PCDH15: variants seen among roughly 807,000 people sequenced by gnomAD.
PCDH15 encodes the protein protocadherin-15.
PCDH15 carries 129 observed loss-of-function variants against 178.5 expected under a neutral mutation model. That is an observed-to-expected ratio of 0.72 (90% CI 0.63 to 0.84). The LOEUF (loss-of-function observed/expected upper bound fraction) is 0.84, where lower values mean the gene tolerates loss of function less well. Among genes scored for constraint, PCDH15 ranks in the 40% least tolerant of loss-of-function variants. The probability of loss-of-function intolerance (pLI) is 0.00; values close to 1 mark genes in which losing one functional copy is unlikely to be tolerated. For synonymous variants in PCDH15, 800 were observed against 732.0 expected (o/e 1.09, Z -1.50); for missense variants, 2,230 against 2,099.9 (o/e 1.06, Z -1.21).
chr10:54,342,943 T>C (rs1942528182), intron 6 of PCDH15, among the ~76,000 whole-genome samples: 1 of 152,236 alleles, frequency 6.6e-6, no homozygotes, highest in Non-Finnish European at 1.5e-5. Context: ...ATATACCTAA[T>C]GTCTGTACCC....
At chr10:54,418,682 T>C (rs370102188) in intron 3 of PCDH15, among the ~76,000 whole-genome samples, 1 of 152,062 alleles carries the variant, frequency 6.6e-6, no homozygotes. Context: ...CTAATACATA[T>C]ATTATTTGAT....
intron 17 of PCDH15, among the ~76,000 whole-genome samples, chr10:54,068,758 T>C (rs942032111): frequency 6.6e-6 from 1 of 152,168 alleles, no homozygotes; most frequent in East Asian, 1.9e-4. Flanking sequence ...TTAATTTCTG[T>C]TTTTTGTTAT....
intron 1 of PCDH15, among the ~76,000 whole-genome samples, chr10:55,278,346 A>G (rs1842647080): frequency 1.3e-5 from 2 of 151,948 alleles, no homozygotes; most frequent in Admixed American, 1.3e-4. Flanking sequence ...TTTTATTGTA[A>G]ATAATTATTC....
intron 3 of PCDH15, among the ~76,000 whole-genome samples, chr10:54,523,984 C>T (rs963796663): frequency 6.6e-6 from 1 of 152,138 alleles, no homozygotes; most frequent in Non-Finnish European, 1.5e-5. Context: ...AGAAATACTG[C>T]TTAGGAAAGT....
chr10:54,952,613 C>T (rs921375407), intron 2 of PCDH15, among the ~76,000 whole-genome samples: 2 of 151,648 alleles, frequency 1.3e-5, no homozygotes, highest in African/African-American at 4.8e-5. Context: ...AATATTGAGT[C>T]TTTCATCAAT....
At chr10:54,356,444 T>A (rs899032093) in intron 5 of PCDH15, among the ~76,000 whole-genome samples, 2 of 151,920 alleles carry the variant, frequency 1.3e-5, no homozygotes, top group African/African-American at 4.8e-5. Context: ...AGTTTCATAT[T>A]TTCAACTTAA....
intron 6 of PCDH15, among the ~76,000 whole-genome samples, chr10:54,336,405 T>G (rs1001577988): frequency 6.6e-6 from 1 of 152,080 alleles, no homozygotes; most frequent in African/African-American, 2.4e-5. Context: ...CCAGGAGCCC[T>G]AGGAGAAAAA....
chr10:54,505,041 A>G (rs1400613815), intron 3 of PCDH15, among the ~76,000 whole-genome samples: 1 of 152,162 alleles, frequency 6.6e-6, no homozygotes, highest in Admixed American at 6.6e-5. Flanking sequence ...TTCCTTTGCA[A>G]TAAAAAGAAT....
intron 2 of PCDH15, among the ~76,000 whole-genome samples, chr10:55,475,447 T>C (rs148732039): frequency 6.6e-6 from 1 of 152,278 alleles, no homozygotes; most frequent in Non-Finnish European, 1.5e-5. Flanking sequence ...AAAACATTTT[T>C]AGATGTACCT....
intron 2 of PCDH15, among the ~76,000 whole-genome samples, chr10:55,116,909 T>C (rs1922144): frequency 0.041 from 6,187 of 152,192 alleles, 302 homozygotes; most frequent in East Asian, 0.14. Flanking sequence ...TGAAGACACA[T>C]GGAACAGAAA....
chr10:55,538,652 C>T (rs868252614), intron 2 of PCDH15, among the ~76,000 whole-genome samples: 10 of 4,198 alleles, frequency 2.4e-3, no homozygotes, highest in Admixed American at 0.017. Context: ...CCTTCCTTTC[C>T]TTCCTTCCTT....
At chr10:54,664,632 T>C (rs1179057471) in intron 1 of PCDH15, among the ~76,000 whole-genome samples, 1 of 152,064 alleles carries the variant, frequency 6.6e-6, no homozygotes, top group Non-Finnish European at 1.5e-5. Context: ...ACTAAACTTA[T>C]GTTGTCTACA....
intron 15 of PCDH15, among the ~76,000 whole-genome samples, chr10:54,106,504 G>T (rs2094920220): frequency 6.6e-6 from 1 of 152,174 alleles, no homozygotes; most frequent in African/African-American, 2.4e-5. Flanking sequence ...TAACATAGGT[G>T]GATCCTATAG....
chr10:55,309,773 T>C (rs1331051311), intron 1 of PCDH15, among the ~76,000 whole-genome samples: 1 of 152,194 alleles, frequency 6.6e-6, no homozygotes, highest in African/African-American at 2.4e-5. Flanking sequence ...CTGTAAAGTG[T>C]TCTTTAAAAA....
chr10:53,806,369 A>AGTATGTCCAAAAGGATTTTCTGG lies in PCDH15; in HGVS notation c.*187_*209dup, dbSNP rs1554814511. On this transcript the variant is annotated 3_prime_UTR_variant, in exon 38 of 38. Transcript: ENST00000644397. ...TTTAAACGATAGGTTATTTAGTGAA[A>AGTATGTCCAAAAGGATTTTCTGG]GTATGTCCAAAAGGATTTTCTGGGA... is the stretch of plus-strand genomic sequence containing the variant. 3 of 508,852 alleles carry AGTATGTCCAAAAGGATTTTCTGG rather than the reference A, an allele frequency of 5.9e-6. No individual in the cohort carries two copies. Among genetic ancestry groups the AGTATGTCCAAAAGGATTTTCTGG allele is most frequent in the Non-Finnish European group, 1.0e-5 (3 of 291,782 alleles). 31.5% of individuals were successfully genotyped at this position (508,852 alleles called of 1,614,324 possible).
intron 2 of PCDH15, among the ~76,000 whole-genome samples, chr10:54,647,783 C>T (rs549288149): frequency 1.6e-4 from 24 of 152,192 alleles, no homozygotes; most frequent in African/African-American, 5.5e-4. Flanking sequence ...ATCTGGCTCA[C>T]CCCAGAAAAT....
At chr10:54,383,639 G>T (rs1222392598) in intron 3 of PCDH15, among the ~76,000 whole-genome samples, 1 of 150,516 alleles carries the variant, frequency 6.6e-6, no homozygotes, top group East Asian at 2.0e-4. Flanking sequence ...TTGTGTGTGT[G>T]TGTGTGTGTG....
At chr10:55,523,652 A>T (rs1347352400) in intron 2 of PCDH15, among the ~76,000 whole-genome samples, 3 of 151,130 alleles carry the variant, frequency 2.0e-5, no homozygotes, top group Non-Finnish European at 3.0e-5. Flanking sequence ...TTTTTTTGCA[A>T]CCCCCTACCC....
At chr10:54,253,813 G>A (rs2056691618) in intron 8 of PCDH15, among the ~76,000 whole-genome samples, 1 of 151,888 alleles carries the variant, frequency 6.6e-6, no homozygotes, top group South Asian at 2.1e-4. Context: ...TTCTTTTGCT[G>A]TCTTTTAACG....
Sources: gnomAD v4.1 joint callset for allele counts (sites outside exome capture counted in the v4.1 genomes callset) on GRCh38, gnomAD v4.1.1 for gene constraint, MANE v1.5 for transcripts, NCBI Gene and HGNC (gene_info 2026-07-23, HGNC 2026-07-21) for gene names.